The following FIP1L1 variants were observed in gnomAD, a reference collection of about 807,000 sequenced individuals.
FIP1L1 encodes factor interacting with PAPOLA and CPSF1, also known as pre-mRNA 3'-end-processing factor FIP1.
FIP1L1 carries 21 observed loss-of-function variants against 84.6 expected under a neutral mutation model. The observed-to-expected ratio is 0.25, with a 90% CI of 0.18 to 0.36. The LOEUF (loss-of-function observed/expected upper bound fraction) is 0.36, where lower values mean the gene tolerates loss of function less well. Ranked by LOEUF, FIP1L1 falls within the 10% of genes least tolerant of loss-of-function variation. FIP1L1 has a pLI of 1.00. For synonymous variants in FIP1L1, 263 were observed against 242.3 expected (o/e 1.09, Z -0.80); for missense variants, 526 against 751.1 (o/e 0.70, Z 3.50).
chr4:53,400,799 G>A (rs1749817860), intron 10 of FIP1L1, among the ~76,000 whole-genome samples: 1 of 152,134 alleles, frequency 6.6e-6, no homozygotes, highest in Non-Finnish European at 1.5e-5. Flanking sequence ...GATTATTTAA[G>A]CTAAATATAA....
chr4:53,420,948 C>T (rs1762168189), intron 11 of FIP1L1, among the ~76,000 whole-genome samples: 2 of 152,072 alleles, frequency 1.3e-5, no homozygotes, highest in African/African-American at 2.4e-5. Context: ...CTTGAACATG[C>T]CCTTAGATTT....
chr4:53,379,174 GTTTC>G (rs866427712), intron 2 of FIP1L1, 47 bp from the exon 3 acceptor site: 77 of 1,606,096 alleles, frequency 4.8e-5, no homozygotes, highest in Non-Finnish European at 6.4e-5. Context: ...TTTAAGAGTG[GTTTC>G]TTTATTTTGT....
intron 11 of FIP1L1, among the ~76,000 whole-genome samples, chr4:53,419,928 G>A (rs10021541): frequency 0.56 from 84,358 of 151,754 alleles, 25,271 homozygotes; most frequent in Non-Finnish European, 0.67. Flanking sequence ...GCCTGACCAG[G>A]CCAGGCGCGG....
intron 10 of FIP1L1, among the ~76,000 whole-genome samples, chr4:53,406,621 T>C (rs1245782166): frequency 1.3e-5 from 2 of 152,214 alleles, no homozygotes; most frequent in Non-Finnish European, 2.9e-5. Flanking sequence ...AGAATTCGGC[T>C]GTGAATCCAT....
intron 10 of FIP1L1, among the ~76,000 whole-genome samples, chr4:53,411,944 TA>T (rs1757418997): frequency 6.6e-6 from 1 of 152,124 alleles, no homozygotes; most frequent in Admixed American, 6.6e-5. Context: ...AAGCTAAACA[TA>T]CTTTTGTAAA....
intron 10 of FIP1L1, among the ~76,000 whole-genome samples, chr4:53,410,229 G>A (rs1364915358): frequency 6.6e-6 from 1 of 152,196 alleles, no homozygotes. Context: ...ACTTCATGAG[G>A]ATGATTTTTT....
intron 10 of FIP1L1, among the ~76,000 whole-genome samples, chr4:53,409,277 C>G (rs968091142): frequency 6.6e-6 from 1 of 152,192 alleles, no homozygotes; most frequent in Non-Finnish European, 1.5e-5. Context: ...TCCTGTTTGC[C>G]TGGATACCAG....
intron 5 of FIP1L1, among the ~76,000 whole-genome samples, chr4:53,385,665 A>G (rs1218875619): frequency 2.0e-5 from 3 of 152,028 alleles, no homozygotes; most frequent in South Asian, 2.1e-4. Context: ...GATTATGAAA[A>G]TTTTCAAATG....
At chr4:53,452,611 G>A (rs1271359544) in intron 15 of FIP1L1, among the ~76,000 whole-genome samples, 2 of 152,182 alleles carry the variant, frequency 1.3e-5, no homozygotes, top group African/African-American at 4.8e-5. Flanking sequence ...AAGCCATCGC[G>A]CCTGGCCTCC....
chr4:53,415,029 T>A (rs1233893769), intron 11 of FIP1L1, among the ~76,000 whole-genome samples: 1 of 151,926 alleles, frequency 6.6e-6, no homozygotes, highest in Non-Finnish European at 1.5e-5. Flanking sequence ...ACATCGCATT[T>A]AAAAAAAATT....
Position 53,425,978 on chromosome 4 carries a change from A to C in FIP1L1, c.1017+13A>C. The C allele has an allele frequency of 6.4e-7, 1 of 1,570,754 alleles. No individual in the cohort carries two copies. The highest frequency in any genetic ancestry group is 8.7e-7 in the Non-Finnish European group (1 of 1,149,822). On this transcript the variant is annotated intron_variant, in intron 12 of 17. Coordinates refer to ENST00000337488, the MANE Select transcript of FIP1L1 (RefSeq NM_030917.4). ...CAGCAACATACAGGTTTAGTATTTTAAAATAAATAATTTTCTTTAACTGAA... is the reference window on the plus strand; with the variant it reads ...CAGCAACATACAGGTTTAGTATTTTCAAATAAATAATTTTCTTTAACTGAA...
chr4:53,408,492 G>T (rs868292411), intron 10 of FIP1L1, among the ~76,000 whole-genome samples: 1 of 152,132 alleles, frequency 6.6e-6, no homozygotes, highest in Non-Finnish European at 1.5e-5. Flanking sequence ...CTCTTCTCAA[G>T]GAGTATCTTT....
chr4:53,443,893 C>A (rs1773078243), intron 14 of FIP1L1, among the ~76,000 whole-genome samples, 155 bp from the exon 15 acceptor site: 1 of 151,398 alleles, frequency 6.6e-6, no homozygotes, highest in South Asian at 2.1e-4. Flanking sequence ...AAAAAAAACC[C>A]CATGTTTTAT....
At position 53,406,604 on chromosome 4, in the gene FIP1L1, C is replaced by T. The variant is rs572982196; in HGVS notation, c.815+6765C>T. 4.4e-3 allele frequency among the ~76,000 whole-genome samples: 674 copies of T among 152,180 alleles called. 5 individuals are homozygous for T. The highest frequency in any genetic ancestry group is 0.034 in the Middle Eastern group (10 of 294). On this transcript the variant is annotated intron_variant, in intron 10 of 17. Coordinates refer to ENST00000337488, the MANE Select transcript of FIP1L1 (RefSeq NM_030917.4). Reference sequence around the variant, plus strand: ...GAATGGTACCAGTTCCTCCTTGTACCTCTGGTAGAATTCGGCTGTGAATCC... The same window carrying T: ...GAATGGTACCAGTTCCTCCTTGTACTTCTGGTAGAATTCGGCTGTGAATCC...
chr4:53,446,525 G>A (rs1294308954), intron 15 of FIP1L1, among the ~76,000 whole-genome samples: 1 of 152,076 alleles, frequency 6.6e-6, no homozygotes, highest in Admixed American at 6.5e-5. Context: ...TGGGTCCTGG[G>A]TTCATCTCAT....
Position 53,406,222 on chromosome 4 carries a change from G to C in FIP1L1, c.815+6383G>C, listed in dbSNP as rs565522992. On this transcript the variant is annotated intron_variant, in intron 10 of 17. Transcript: ENST00000337488. ...TTTATTGAGAGTTTTTAGCATGAAG[G>C]GTTGTTGAATTTTGTCAAAGGCCTT... Among the ~76,000 whole-genome samples, 310 of 119,808 alleles carry C rather than the reference G, an allele frequency of 2.6e-3. 2 individuals carry two copies. Among genetic ancestry groups the C allele is most frequent in the South Asian group, 7.2e-3 (18 of 2,494 alleles). The allele number at this position is 119,808 out of a possible 152,430, so 78.6% of individuals were successfully genotyped here. A position where few individuals can be genotyped will look rare whatever the true frequency, so the allele number is the denominator to read the frequency against.
chr4:53,434,048 G>A (rs776915087), intron 13 of FIP1L1, among the ~76,000 whole-genome samples: 2 of 152,038 alleles, frequency 1.3e-5, no homozygotes, highest in Non-Finnish European at 2.9e-5. Context: ...TCTGTTAGCA[G>A]TCTGGTTCTT....
intron 11 of FIP1L1, among the ~76,000 whole-genome samples, chr4:53,420,833 T>C (rs1762121112): frequency 6.6e-6 from 1 of 152,156 alleles, no homozygotes; most frequent in African/African-American, 2.4e-5. Context: ...ATCAATGATA[T>C]TCTTATGTTG....
chr4:53,410,447 C>T (rs1756610064), intron 10 of FIP1L1, among the ~76,000 whole-genome samples: 2 of 152,176 alleles, frequency 1.3e-5, no homozygotes, highest in African/African-American at 4.8e-5. Context: ...CTTTGTAAAA[C>T]TTCTGGAACT....
Sources: gnomAD v4.1 joint callset for allele counts (sites outside exome capture counted in the v4.1 genomes callset) on GRCh38, gnomAD v4.1.1 for gene constraint, MANE v1.5 for transcripts, NCBI Gene and HGNC (gene_info 2026-07-23, HGNC 2026-07-21) for gene names.